SHANK2: variants seen among roughly 807,000 people sequenced by gnomAD.
The protein encoded by SHANK2 is SH3 and multiple ankyrin repeat domains 2, also known as SH3 and multiple ankyrin repeat domains protein 2.
Under a neutral mutation model 133.7 loss-of-function variants are expected in SHANK2, and 43 were observed. The ratio of observed to expected loss-of-function variants is 0.32; its 90% CI spans 0.25 to 0.41. The LOEUF (loss-of-function observed/expected upper bound fraction) is 0.41. Ranked by LOEUF, SHANK2 falls within the 10% of genes least tolerant of loss-of-function variation. The pLI, the probability that SHANK2 is intolerant of heterozygous loss-of-function variation, is 1.00. For synonymous variants in SHANK2, 1,017 were observed against 952.8 expected, an observed-to-expected ratio of 1.07 and a Z score of -1.24; for missense variants, 1,994 against 2,235.8, an observed-to-expected ratio of 0.89 and a Z score of 2.18.
intron 2 of SHANK2, among the ~76,000 whole-genome samples, chr11:71,159,738 CTT>C (rs1470641131): frequency 6.6e-6 from 1 of 152,146 alleles, no homozygotes; most frequent in Non-Finnish European, 1.5e-5. Flanking sequence ...AATCCCAACA[CTT>C]TGGGAGGCTG....
intron 9 of SHANK2, among the ~76,000 whole-genome samples, chr11:71,060,885 G>A (rs1165859104): frequency 6.6e-6 from 1 of 152,186 alleles, no homozygotes; most frequent in African/African-American, 2.4e-5. Context: ...CCTGGAAAAA[G>A]CACAAATGTG....
chr11:71,205,518 C>T (rs892809212), intron 2 of SHANK2, among the ~76,000 whole-genome samples: 4 of 152,234 alleles, frequency 2.6e-5, no homozygotes, highest in East Asian at 3.9e-4. Flanking sequence ...AGGAGACCCA[C>T]GTGCCAGGAC....
At chr11:70,657,405 T>C (rs1018611142) in intron 17 of SHANK2, among the ~76,000 whole-genome samples, 3 of 152,352 alleles carry the variant, frequency 2.0e-5, no homozygotes, top group African/African-American at 7.2e-5. Context: ...GCACCTATTA[T>C]GCTATACAAG....
intron 2 of SHANK2, among the ~76,000 whole-genome samples, chr11:71,197,828 G>C (rs1285989635): frequency 6.6e-6 from 1 of 152,160 alleles, no homozygotes; most frequent in African/African-American, 2.4e-5. Flanking sequence ...TTGATTAACC[G>C]AAAGGCCATT....
intron 14 of SHANK2, among the ~76,000 whole-genome samples, chr11:70,699,389 G>A (rs1256302668): frequency 6.6e-6 from 1 of 152,054 alleles, no homozygotes; most frequent in African/African-American, 2.4e-5. Flanking sequence ...ATAGCTCAGT[G>A]CTGGAGGGAG....
chr11:71,055,863 T>C (rs1296779463), intron 10 of SHANK2, among the ~76,000 whole-genome samples: 2 of 150,500 alleles, frequency 1.3e-5, no homozygotes, highest in Non-Finnish European at 3.0e-5. Flanking sequence ...AGCTAAGTTC[T>C]TAGCTAGACA....
intron 11 of SHANK2, among the ~76,000 whole-genome samples, chr11:70,847,992 G>A (rs376942093): frequency 1.3e-5 from 2 of 152,354 alleles, no homozygotes; most frequent in South Asian, 4.1e-4. Flanking sequence ...CAGCCAGCTG[G>A]GGTGTGGCTT....
intron 6 of SHANK2, among the ~76,000 whole-genome samples, chr11:71,097,372 A>G (rs1951635624): frequency 2.0e-5 from 3 of 152,156 alleles, no homozygotes; most frequent in Admixed American, 6.5e-5. Context: ...CAGTGACTGC[A>G]CTATCACTCC....
intron 2 of SHANK2, among the ~76,000 whole-genome samples, chr11:71,185,947 C>T (rs1424202737): frequency 6.6e-6 from 1 of 152,182 alleles, no homozygotes; most frequent in African/African-American, 2.4e-5. Flanking sequence ...TCCCATGGCG[C>T]ATTCCCAACA....
intron 14 of SHANK2, among the ~76,000 whole-genome samples, chr11:70,780,464 C>A (rs571988444): frequency 1.9e-4 from 29 of 152,256 alleles, no homozygotes; most frequent in Non-Finnish European, 4.0e-4. Context: ...AACTCCAAGT[C>A]ATCTGAGGGG....
rs184088076 is a variant in SHANK2 at position 70,643,935 on chromosome 11, G to A, written c.2061+15893C>T. On this transcript the variant is annotated intron_variant, in intron 17 of 25. Coordinates refer to ENST00000601538, the MANE Select transcript of SHANK2 (RefSeq NM_012309.5). ...CAGGTGGAGGGGGGGGAGGAACACA[G>A]AGGGGCAGAGGAGATCTGGGGTCGG... 4.0e-5 allele frequency among the ~76,000 whole-genome samples: 6 copies of A among 151,726 alleles called. No homozygotes were observed. The East Asian group carries it at 1.2e-3, about 30-fold the overall frequency.
Position 70,589,228 on chromosome 11 carries a change from G to A in SHANK2, c.2061+70600C>T, listed in dbSNP as rs1023766063. On this transcript the variant is annotated intron_variant, in intron 17 of 25. Transcript: ENST00000601538. Reference sequence around the variant, plus strand: ...GGACAGGCTGACTCCCTTGTGAGGGGCTAGTACAGCTGGTGACTTTAAGTT... The same window carrying A: ...GGACAGGCTGACTCCCTTGTGAGGGACTAGTACAGCTGGTGACTTTAAGTT... 4.6e-5 allele frequency among the ~76,000 whole-genome samples: 7 copies of A among 152,206 alleles called. No homozygotes were observed. The East Asian group carries it at 5.8e-4, about 13-fold the overall frequency.
intron 25 of SHANK2, chr11:70,477,269 A>T (rs1240853442): frequency 6.6e-6 from 1 of 152,290 alleles, no homozygotes; most frequent in Non-Finnish European, 1.5e-5. Flanking sequence ...AAGAAACAGA[A>T]AAAAGCTGCT....
intron 17 of SHANK2, among the ~76,000 whole-genome samples, chr11:70,547,206 C>T (rs1432562481): frequency 6.6e-6 from 1 of 152,208 alleles, no homozygotes; most frequent in East Asian, 1.9e-4. Context: ...AGTCTCCTCC[C>T]TATTCAATAT....
intron 15 of SHANK2, among the ~76,000 whole-genome samples, chr11:70,675,602 G>A (rs1555017036): frequency 6.6e-6 from 1 of 152,228 alleles, no homozygotes; most frequent in African/African-American, 2.4e-5. Flanking sequence ...AACCCTCAGG[G>A]GAGGCGTTGG....
chr11:70,572,030 C>T (rs1205321825), intron 17 of SHANK2, among the ~76,000 whole-genome samples: 3 of 152,238 alleles, frequency 2.0e-5, no homozygotes, highest in African/African-American at 4.8e-5. Context: ...CTCGCTTCCA[C>T]TTTCTCCCTC....
intron 14 of SHANK2, among the ~76,000 whole-genome samples, chr11:70,726,403 TGC>T (rs1320103144): frequency 7.0e-6 from 1 of 142,626 alleles, no homozygotes; most frequent in African/African-American, 2.6e-5. Context: ...GGAGCTCACA[TGC>T]CAGGCTCTGG....
chr11:70,750,876 T>C (rs1555037335), intron 14 of SHANK2, among the ~76,000 whole-genome samples: 1 of 152,202 alleles, frequency 6.6e-6, no homozygotes, highest in African/African-American at 2.4e-5. Context: ...AAAAGGAATT[T>C]AGGGCTTGAT....
intron 12 of SHANK2, among the ~76,000 whole-genome samples, chr11:70,813,012 CCAGT>C (rs1297002151): frequency 2.6e-5 from 4 of 152,090 alleles, no homozygotes; most frequent in East Asian, 1.9e-4. Flanking sequence ...CATTCATTCA[CCAGT>C]CAGTTACACA....
Sources: allele counts gnomAD v4.1 joint callset (sites outside exome capture counted in the v4.1 genomes callset), GRCh38; gene constraint gnomAD v4.1.1; transcripts MANE v1.5; gene names NCBI Gene and HGNC (gene_info 2026-07-23, HGNC 2026-07-21).